Variants in PCSK5 observed in about 807,000 individuals in gnomAD.
PCSK5 encodes proprotein convertase subtilisin/kexin type 5.
A neutral mutation model predicts 233.2 loss-of-function variants in PCSK5; 129 were observed. The ratio of observed to expected loss-of-function variants is 0.55; its 90% confidence interval spans 0.48 to 0.64. The LOEUF is 0.64. Among genes scored for constraint, PCSK5 ranks in the 30% least tolerant of loss-of-function variants. The probability of loss-of-function intolerance (pLI) is 0.00; values close to 1 mark genes in which losing one functional copy is unlikely to be tolerated. For missense variants in PCSK5, 2,076 were observed against 2,430.1 expected, an observed-to-expected ratio of 0.85 and a Z score of 3.06; for synonymous variants, 825 against 879.2, an observed-to-expected ratio of 0.94 and a Z score of 1.09.
At chr9:76,291,748 G>A (rs1477273966) in intron 24 of PCSK5, among the ~76,000 whole-genome samples, 1 of 152,180 alleles carries the variant, frequency 6.6e-6, no homozygotes, top group African/African-American at 2.4e-5. Context: ...AACATGAAGT[G>A]GATACTTGGG....
At chr9:75,914,670 T>G (rs1822904050) in intron 1 of PCSK5, among the ~76,000 whole-genome samples, 3 of 152,192 alleles carry the variant, frequency 2.0e-5, no homozygotes, top group Admixed American at 6.5e-5. Flanking sequence ...AAGCAGCTCC[T>G]GAGAGTTGCT....
intron 2 of PCSK5, among the ~76,000 whole-genome samples, chr9:75,939,068 C>A (rs992273200): frequency 6.6e-6 from 1 of 152,104 alleles, no homozygotes; most frequent in African/African-American, 2.4e-5. Context: ...TCTTTACTTA[C>A]AAGGCTCCAA....
chr9:76,235,305 AAAAAAAG>A (rs1826217848), intron 22 of PCSK5, among the ~76,000 whole-genome samples: 1 of 124,048 alleles, frequency 8.1e-6, no homozygotes, highest in Non-Finnish European at 1.7e-5. Flanking sequence ...TTTGCAACAA[AAAAAAAG>A]AAGAAGAAGA....
At chr9:76,038,996 A>G (rs1340140445) in intron 5 of PCSK5, among the ~76,000 whole-genome samples, 1 of 152,210 alleles carries the variant, frequency 6.6e-6, no homozygotes, top group Admixed American at 6.5e-5. Flanking sequence ...GAGCGCGGGA[A>G]CAATACCAAT....
In PCSK5 at chr9:76,170,434, C is replaced by T. The variant is rs568151996; in HGVS notation, c.1756+594C>T. Among the ~76,000 whole-genome samples, 5 of 152,344 alleles carry T rather than the reference C, an allele frequency of 3.3e-5. No homozygotes were observed. The East Asian group carries it at 9.6e-4, about 29-fold the overall frequency. On this transcript the variant is annotated intron_variant, in intron 13 of 37. Transcript: ENST00000674117. The stretch of plus-strand genomic sequence containing the variant: ...GGTAGGCTCAGTCTGTTTCTGCACA[C>T]AGCCTATTCCCGTCTTCATGCTAAC...
intron 30 of PCSK5, among the ~76,000 whole-genome samples, chr9:76,320,489 G>C (rs1403174985): frequency 1.4e-5 from 1 of 72,416 alleles, no homozygotes; most frequent in Non-Finnish European, 2.6e-5. Context: ...TTTTTTTTGA[G>C]ACAGAATCTC....
At chr9:76,192,830 G>T (rs1824473224) in intron 20 of PCSK5, among the ~76,000 whole-genome samples, 1 of 152,054 alleles carries the variant, frequency 6.6e-6, no homozygotes, top group Admixed American at 6.5e-5. Context: ...TTTCCTTTGT[G>T]TTACTTAAAA....
chr9:76,188,433 C>A, intron 17 of PCSK5, 145 bp from the exon 18 acceptor site: 2 of 591,828 alleles, frequency 3.4e-6, no homozygotes, highest in East Asian at 2.9e-5. Context: ...AAAGGGTACA[C>A]GGGCTATTTC....
At chr9:76,214,386 C>G (rs980993320) in intron 20 of PCSK5, among the ~76,000 whole-genome samples, 2 of 151,930 alleles carry the variant, frequency 1.3e-5, no homozygotes, top group African/African-American at 4.8e-5. Flanking sequence ...AAGGGGGGTG[C>G]CATTTAAACA....
At chr9:75,932,346 T>G (rs1185614899) in intron 1 of PCSK5, 33 bp from the exon 2 acceptor site, 1 of 1,318,782 alleles carries the variant, frequency 7.6e-7, no homozygotes, top group Non-Finnish European at 1.1e-6. Context: ...AATGTCTTTT[T>G]TTTGTTCTTT....
chr9:76,194,908 C>T, intron 20 of PCSK5: 1 of 239,304 alleles, frequency 4.2e-6, no homozygotes, highest in Middle Eastern at 6.9e-4. Context: ...GGAATACTAT[C>T]AACATGGACT....
intron 24 of PCSK5, among the ~76,000 whole-genome samples, chr9:76,290,491 G>A (rs1368658565): frequency 6.6e-6 from 1 of 152,234 alleles, no homozygotes; most frequent in Non-Finnish European, 1.5e-5. Context: ...GCTTCCTGCA[G>A]AAGGGCCCTT....
intron 36 of PCSK5, 93 bp from the exon 37 acceptor site, chr9:76,353,940 C>T (rs1830231365): frequency 1.1e-6 from 1 of 875,300 alleles, no homozygotes; most frequent in Non-Finnish European, 1.8e-6. Context: ...ACATCTCCCT[C>T]CTTATGAAGA....
intron 8 of PCSK5, among the ~76,000 whole-genome samples, chr9:76,099,015 C>T (rs1831649461): frequency 1.3e-5 from 2 of 152,282 alleles, no homozygotes; most frequent in Admixed American, 6.5e-5. Context: ...AATACCCTTT[C>T]GCGAGGTCAT....
chr9:76,060,300 A>G (rs1829981202), intron 5 of PCSK5, among the ~76,000 whole-genome samples: 1 of 152,198 alleles, frequency 6.6e-6, no homozygotes, highest in Non-Finnish European at 1.5e-5. Context: ...ATTAATGTAT[A>G]TTTTGTATGT....
rs562221898 is a variant in PCSK5, at chr9:76,053,583, A to G, written c.633-14372A>G. ...CACGTTCAAATTTCCATAGATCTCTAGGGCAGGATGAAAATACCACAGTCT... is the reference window on the plus strand; with the variant it reads ...CACGTTCAAATTTCCATAGATCTCTGGGGCAGGATGAAAATACCACAGTCT... On this transcript the variant is annotated intron_variant, in intron 5 of 37. Transcript: ENST00000674117. Among the ~76,000 whole-genome samples, 103 of 152,306 alleles carry G rather than the reference A, an allele frequency of 6.8e-4. 1 individual carries two copies. Among genetic ancestry groups the G allele is most frequent in the African/African-American group, 2.4e-3 (101 of 41,580 alleles).
chr9:76,011,486 T>G (rs1428335862), intron 3 of PCSK5, among the ~76,000 whole-genome samples: 1 of 152,242 alleles, frequency 6.6e-6, no homozygotes, highest in Non-Finnish European at 1.5e-5. Flanking sequence ...GGAATGATAT[T>G]AAAGTGGTCT....
intron 1 of PCSK5, among the ~76,000 whole-genome samples, chr9:75,892,942 A>G (rs2131177702): frequency 6.6e-6 from 1 of 152,238 alleles, no homozygotes; most frequent in East Asian, 1.9e-4. Flanking sequence ...TGCTTGAGTG[A>G]CTGTTATCTG....
At chr9:76,018,268 A>T (rs1828035469) in intron 3 of PCSK5, among the ~76,000 whole-genome samples, 1 of 152,204 alleles carries the variant, frequency 6.6e-6, no homozygotes, top group African/African-American at 2.4e-5. Context: ...CCATGATGTG[A>T]GTATTTACAC....
Sources: gnomAD v4.1 joint callset for allele counts (sites outside exome capture counted in the v4.1 genomes callset) on GRCh38, gnomAD v4.1.1 for gene constraint, MANE v1.5 for transcripts, NCBI Gene and HGNC (gene_info 2026-07-23, HGNC 2026-07-21) for gene names.